Variants in NSUN3 observed in about 807,000 individuals in gnomAD.
NSUN3 encodes the protein tRNA (cytosine(34)-C(5))-methyltransferase, mitochondrial.
In NSUN3, 24 loss-of-function variants were observed where a neutral mutation model predicts 36.8. That is an observed-to-expected ratio of 0.65 (90% CI 0.47 to 0.92). The LOEUF (loss-of-function observed/expected upper bound fraction) is 0.92, where lower values mean the gene tolerates loss of function less well. Ranked by LOEUF, NSUN3 falls within the 40% of genes least tolerant of loss-of-function variation. The pLI is 0.00. For missense variants in NSUN3, 381 were observed against 392.8 expected, an observed-to-expected ratio of 0.97 and a Z score of 0.25; for synonymous variants, 146 against 145.2, an observed-to-expected ratio of 1.01 and a Z score of -0.04.
Position 94,130,276 on chromosome 3 carries a change from A to G in NSUN3, c.*3786A>G, listed in dbSNP as rs935495249. Among the ~76,000 whole-genome samples the G allele has an allele frequency of 1.3e-5, 2 of 152,204 alleles. No homozygotes were observed. The highest frequency in any genetic ancestry group is 4.8e-5 in the African/African-American group (2 of 41,460). ...GTTTGGAAATACTTGCCTCTTGTAG[A>G]TCCAGCTTTAACATTTTTATGACAT... is the stretch of plus-strand genomic sequence containing the variant. On this transcript the variant is annotated 3_prime_UTR_variant, in exon 6 of 6. Transcript: ENST00000314622.
In NSUN3 at chr3:94,122,795, T is replaced by TA. The variant is rs557177237; in HGVS notation, c.744-3415dup. Among the ~76,000 whole-genome samples the TA allele has an allele frequency of 2.5e-4, 38 of 152,312 alleles. No homozygotes were observed. In the East Asian group the frequency reaches 3.1e-3, roughly 12 times the overall value. On this transcript the variant is annotated intron_variant, in intron 5 of 5. Coordinates refer to ENST00000314622, the MANE Select transcript of NSUN3 (RefSeq NM_022072.5). Reference sequence around the variant, plus strand: ...CTCTCCCTTCTACTTCCCAGTATCTTACAGCTGTACTTTCATGTTGTCAAG... The same window carrying TA: ...CTCTCCCTTCTACTTCCCAGTATCTTAACAGCTGTACTTTCATGTTGTCAAG...
intron 2 of NSUN3, among the ~76,000 whole-genome samples, chr3:94,083,105 C>CTT (rs35424977): frequency 9.1e-5 from 12 of 132,078 alleles, no homozygotes; most frequent in African/African-American, 1.1e-4. Flanking sequence ...GGCAGGCTGC[C>CTT]TTTTTTTTTT....
Position 94,084,670 on chromosome 3 carries a change from A to G in NSUN3, c.466+220A>G, listed in dbSNP as rs993842141. The G allele has an allele frequency of 4.4e-5, 20 of 455,466 alleles. 1 individual carries two copies. The highest frequency in any genetic ancestry group is 3.8e-4 in the South Asian group (10 of 26,494). The allele number at this position is 455,466 out of a possible 1,614,324, so 28.2% of individuals were successfully genotyped here. On this transcript the variant is annotated intron_variant, in intron 3 of 5. Transcript: ENST00000314622. ...ATTCTAGCAGGTGATTGGGAACAAA[A>G]CTTCAACATTTCGCAAATACAAATC...
At chr3:94,064,364 G>A (rs1190116960) in intron 1 of NSUN3, 73 bp from the exon 2 acceptor site, 9 of 879,324 alleles carry the variant, frequency 1.0e-5, no homozygotes, top group Non-Finnish European at 1.7e-5. Flanking sequence ...CTTAAAAAAA[G>A]ACCTTGCTAA....
intron 5 of NSUN3, among the ~76,000 whole-genome samples, chr3:94,107,130 C>T (rs1390953123): frequency 6.6e-6 from 1 of 152,252 alleles, no homozygotes; most frequent in East Asian, 1.9e-4. Flanking sequence ...GAGGTTTTGC[C>T]ATGTTGCTCA....
chr3:94,128,322 GTGGAAAAGA>G lies in NSUN3; in HGVS notation c.*1835_*1843del, dbSNP rs2077495842. ...GGGTAAATACAGAAGAATAATGATG[GTGGAAAAGA>G]TGTTTTCTTTTTTAAGTTATCATTA... On this transcript the variant is annotated 3_prime_UTR_variant, in exon 6 of 6. Transcript: ENST00000314622. 6.6e-6 allele frequency: 1 copy of G among 152,048 alleles called. No individual in the cohort carries two copies. Among genetic ancestry groups the G allele is most frequent in the Non-Finnish European group, 1.5e-5 (1 of 67,996 alleles). 9.4% of individuals were successfully genotyped at this position (152,048 alleles called of 1,614,324 possible). A position where few individuals can be genotyped will look rare whatever the true frequency, so the allele number is the denominator to read the frequency against.
intron 2 of NSUN3, among the ~76,000 whole-genome samples, chr3:94,082,403 C>T (rs2077273254): frequency 6.6e-6 from 1 of 152,084 alleles, no homozygotes; most frequent in Admixed American, 6.5e-5. Flanking sequence ...CTTAAGTTTG[C>T]GAACCTCTTT....
intron 2 of NSUN3, among the ~76,000 whole-genome samples, chr3:94,069,913 A>G (rs1292998666): frequency 1.3e-5 from 2 of 152,186 alleles, no homozygotes; most frequent in South Asian, 4.1e-4. Context: ...GTTTAGCTTC[A>G]TTAACTGTTT....
chr3:94,123,509 G>A (rs2077472740), intron 5 of NSUN3, among the ~76,000 whole-genome samples: 1 of 152,072 alleles, frequency 6.6e-6, no homozygotes, highest in Admixed American at 6.5e-5. Context: ...TCTCTTTGGA[G>A]GCATTAAACA....
intron 3 of NSUN3, 124 bp from the exon 4 acceptor site, chr3:94,094,016 C>T: frequency 4.4e-6 from 3 of 677,792 alleles, no homozygotes; most frequent in Non-Finnish European, 7.4e-6. Flanking sequence ...ATAATGTTTA[C>T]CTCTGAGCCC....
chr3:94,084,525 G>A, intron 3 of NSUN3, 75 bp downstream of exon 3: 2 of 1,132,496 alleles, frequency 1.8e-6, no homozygotes. Flanking sequence ...AAGTATATAT[G>A]GGGAGAAACG....
chr3:94,129,742 C>CTTT lies in NSUN3; in HGVS notation c.*3275_*3277dup, dbSNP rs754390863. 4.2e-3 allele frequency among the ~76,000 whole-genome samples: 379 copies of CTTT among 89,944 alleles called. 1 individual carries two copies. The highest frequency in any genetic ancestry group is 5.1e-3 in the African/African-American group (117 of 22,866). The allele number at this position is 89,944 out of a possible 152,430, so 59.0% of individuals were successfully genotyped here. On this transcript the variant is annotated 3_prime_UTR_variant, in exon 6 of 6. Transcript: ENST00000314622. ...TCTATAAATTGTTTATATATGTTGT[C>CTTT]TTTTTTTTTTTTTTTTTTTTTTTTT...
chr3:94,068,755 G>A (rs530774315), intron 2 of NSUN3, among the ~76,000 whole-genome samples: 22 of 147,020 alleles, frequency 1.5e-4, no homozygotes, highest in African/African-American at 4.6e-4. Context: ...CTCACTGACC[G>A]AGAGTTCACA....
chr3:94,121,999 G>T (rs968078647), intron 5 of NSUN3, among the ~76,000 whole-genome samples: 1 of 151,910 alleles, frequency 6.6e-6, no homozygotes, highest in Non-Finnish European at 1.5e-5. Context: ...ACAAAAATTA[G>T]CCAGGCGTGG....
intron 5 of NSUN3, among the ~76,000 whole-genome samples, chr3:94,104,296 C>T (rs2077377476): frequency 6.6e-6 from 1 of 152,188 alleles, no homozygotes; most frequent in Non-Finnish European, 1.5e-5. Context: ...AGACCTTTCT[C>T]TGCTTCTCTT....
rs1353518245 is a variant in NSUN3, at chr3:94,076,771, G to A, written c.123-7336G>A. Reference sequence around the variant, plus strand: ...TTGTTGTGATAATACAAGGATTCTGGGGCATATAACGGGCCCTGTTTACTT... The same window carrying A: ...TTGTTGTGATAATACAAGGATTCTGAGGCATATAACGGGCCCTGTTTACTT... On this transcript the variant is annotated intron_variant, in intron 2 of 5. Transcript: ENST00000314622. The A allele has an allele frequency of 4.0e-6, 6 of 1,516,800 alleles. No individual in the cohort carries two copies. In the East Asian group the frequency reaches 1.4e-4, roughly 34 times the overall value. The allele number at this position is 1,516,800 out of a possible 1,614,324, so 94.0% of individuals were successfully genotyped here. A position where few individuals can be genotyped will look rare whatever the true frequency, so the allele number is the denominator to read the frequency against.
intron 5 of NSUN3, among the ~76,000 whole-genome samples, chr3:94,102,329 A>C (rs1277906668): frequency 6.6e-6 from 1 of 151,870 alleles, no homozygotes; most frequent in Non-Finnish European, 1.5e-5. Flanking sequence ...CAAAAAATTG[A>C]TGTGTTTATA....
intron 5 of NSUN3, among the ~76,000 whole-genome samples, chr3:94,114,363 C>T (rs550978773): frequency 3.3e-5 from 5 of 152,204 alleles, no homozygotes; most frequent in African/African-American, 4.8e-5. Context: ...TTGTGACCTT[C>T]GATTTGATAA....
At chr3:94,124,863 A>G (rs2077479092) in intron 5 of NSUN3, among the ~76,000 whole-genome samples, 1 of 152,136 alleles carries the variant, frequency 6.6e-6, no homozygotes, top group South Asian at 2.1e-4. Context: ...ACCACCTAGA[A>G]CAATGCTCAG....
Sources: allele counts gnomAD v4.1 joint callset (sites outside exome capture counted in the v4.1 genomes callset), GRCh38; gene constraint gnomAD v4.1.1; transcripts MANE v1.5; gene names NCBI Gene and HGNC (gene_info 2026-07-23, HGNC 2026-07-21).